Variants in SGCE observed in about 807,000 individuals in gnomAD.
SGCE encodes epsilon-sarcoglycan.
A neutral mutation model predicts 57.8 loss-of-function variants in SGCE; 26 were observed. The ratio of observed to expected loss-of-function variants is 0.45; its 90% confidence interval spans 0.33 to 0.62. The LOEUF (loss-of-function observed/expected upper bound fraction) is 0.62. SGCE is among the 20% of genes least tolerant of loss of function. The probability of loss-of-function intolerance (pLI) is 0.02; values close to 1 mark genes in which losing one functional copy is unlikely to be tolerated. For synonymous variants in SGCE, 183 were observed against 189.5 expected, an observed-to-expected ratio of 0.97 and a Z score of 0.28; for missense variants, 468 against 548.6, an observed-to-expected ratio of 0.85 and a Z score of 1.47.
intron 1 of SGCE, among the ~76,000 whole-genome samples, chr7:94,647,073 A>C (rs145784706): frequency 0.012 from 1,870 of 152,292 alleles, 43 homozygotes; most frequent in African/African-American, 0.043. Flanking sequence ...TTCACTTAGA[A>C]TATATCTTGA....
In SGCE at chr7:94,628,161, CACAT is replaced by C. The variant is rs769482224; in HGVS notation, c.390+37_390+40del. The C allele has an allele frequency of 1.7e-4, 250 of 1,488,756 alleles. No homozygotes were observed. The African/African-American group carries it at 2.8e-3, about 16-fold the overall frequency. The allele number at this position is 1,488,756 out of a possible 1,614,324, so 92.2% of individuals were successfully genotyped here. A position where few individuals can be genotyped will look rare whatever the true frequency, so the allele number is the denominator to read the frequency against. ...ATACACACACACACACACACACACACACATATATGTATAGTTTTGCTCTTTCTAG... is the reference window on the plus strand; with the variant it reads ...ATACACACACACACACACACACACACATATGTATAGTTTTGCTCTTTCTAG... On this transcript the variant is annotated intron_variant, in intron 3 of 10. Coordinates refer to ENST00000648936, the MANE Select transcript of SGCE (RefSeq NM_003919.3).
intron 4 of SGCE, 59 bp downstream of exon 4, chr7:94,623,266 T>C (rs1803109654): frequency 5.6e-6 from 6 of 1,072,756 alleles, no homozygotes; most frequent in Non-Finnish European, 8.4e-6. Context: ...TATGTAGTTA[T>C]AAAACATAAT....
At chr7:94,648,508 T>C (rs1807437188) in intron 1 of SGCE, among the ~76,000 whole-genome samples, 1 of 152,096 alleles carries the variant, frequency 6.6e-6, no homozygotes, top group South Asian at 2.1e-4. Context: ...TTCACCATTA[T>C]ATCTCTAAGC....
intron 1 of SGCE, among the ~76,000 whole-genome samples, chr7:94,635,005 AATG>A (rs1319957809): frequency 2.1e-4 from 32 of 152,316 alleles, no homozygotes; most frequent in African/African-American, 7.2e-4. Flanking sequence ...CTATGGATTA[AATG>A]ATATGTTGCC....
chr7:94,630,777 C>T (rs939693365), intron 1 of SGCE, among the ~76,000 whole-genome samples: 13 of 151,820 alleles, frequency 8.6e-5, no homozygotes, highest in African/African-American at 3.1e-4. Flanking sequence ...CCCTATCAGG[C>T]CAGTTCTTTC....
At chr7:94,638,925 A>T (rs1805988049) in intron 1 of SGCE, among the ~76,000 whole-genome samples, 1 of 152,216 alleles carries the variant, frequency 6.6e-6, no homozygotes, top group Non-Finnish European at 1.5e-5. Context: ...ATCCAAAATT[A>T]ACCAAAATAT....
chr7:94,650,663 C>A (rs1209548923), intron 1 of SGCE, among the ~76,000 whole-genome samples: 4 of 152,162 alleles, frequency 2.6e-5, no homozygotes, highest in Admixed American at 1.3e-4. Context: ...TCAAGGTCTT[C>A]AAGTTAAATA....
intron 4 of SGCE, 24 bp downstream of exon 4, chr7:94,623,301 T>C: frequency 7.2e-7 from 1 of 1,395,978 alleles, no homozygotes; most frequent in Non-Finnish European, 1.0e-6. Flanking sequence ...AAATAAGAAA[T>C]GATCAACATA....
chr7:94,629,895 C>G, intron 1 of SGCE, 54 bp from the exon 2 acceptor site: 1 of 1,599,750 alleles, frequency 6.3e-7, no homozygotes, highest in Non-Finnish European at 8.6e-7. Context: ...GAGATACGCC[C>G]TTGATAATTC....
At chr7:94,649,644 C>A (rs567851351) in intron 1 of SGCE, among the ~76,000 whole-genome samples, 2 of 152,274 alleles carry the variant, frequency 1.3e-5, no homozygotes, top group South Asian at 2.1e-4. Flanking sequence ...TGCATTATTA[C>A]AATCCCACAA....
chr7:94,629,641 T>C, intron 2 of SGCE, 78 bp downstream of exon 2: 1 of 1,233,992 alleles, frequency 8.1e-7, no homozygotes, highest in South Asian at 1.2e-5. Flanking sequence ...TGATATTTTA[T>C]CATATATGTC....
At chr7:94,628,028 A>T in intron 3 of SGCE, 174 bp downstream of exon 3, 1 of 561,332 alleles carries the variant, frequency 1.8e-6, no homozygotes, top group Non-Finnish European at 3.2e-6. Context: ...CTTTATAAAC[A>T]GAGAAGAATG....
intron 3 of SGCE, chr7:94,626,919 AAC>A (rs1284070648): frequency 6.6e-6 from 1 of 152,026 alleles, no homozygotes; most frequent in African/African-American, 2.4e-5. Context: ...AATTTTAATA[AAC>A]ACTTTTTCCA....
At chr7:94,623,689 A>C in intron 3 of SGCE, 1 of 432,314 alleles carries the variant, frequency 2.3e-6, no homozygotes, top group Non-Finnish European at 4.1e-6. Flanking sequence ...CATCATTAGT[A>C]AATGGATTAA....
intron 9 of SGCE, among the ~76,000 whole-genome samples, chr7:94,593,780 A>T (rs1479391214): frequency 1.3e-5 from 2 of 151,984 alleles, no homozygotes; most frequent in Non-Finnish European, 2.9e-5. Flanking sequence ...CACATGGGGG[A>T]ATTTAGGAAA....
At chr7:94,586,823 C>T in intron 10 of SGCE, 1 of 985,156 alleles carries the variant, frequency 1.0e-6, no homozygotes, top group South Asian at 4.7e-5. Flanking sequence ...TTAAATGTAC[C>T]AGAGGCACAA....
At chr7:94,646,355 T>C (rs1379960272) in intron 1 of SGCE, among the ~76,000 whole-genome samples, 1 of 152,192 alleles carries the variant, frequency 6.6e-6, no homozygotes, top group African/African-American at 2.4e-5. Context: ...TTTGACAGAA[T>C]AGTTAATGGA....
At chr7:94,634,332 C>T (rs969327118) in intron 1 of SGCE, among the ~76,000 whole-genome samples, 3 of 152,112 alleles carry the variant, frequency 2.0e-5, no homozygotes, top group Non-Finnish European at 2.9e-5. Flanking sequence ...TCATTTTGTA[C>T]ATCAATTGTT....
At chr7:94,632,595 A>ATGTG (rs1804878628) in intron 1 of SGCE, among the ~76,000 whole-genome samples, 1 of 152,144 alleles carries the variant, frequency 6.6e-6, no homozygotes, top group Admixed American at 6.6e-5. Flanking sequence ...CACATTCATC[A>ATGTG]TCTAGAAATG....
Sources: allele counts gnomAD v4.1 joint callset (sites outside exome capture counted in the v4.1 genomes callset), GRCh38; gene constraint gnomAD v4.1.1; transcripts MANE v1.5; gene names NCBI Gene and HGNC (gene_info 2026-07-23, HGNC 2026-07-21).